KYNU: variants seen among roughly 807,000 people sequenced by gnomAD.
KYNU encodes kynureninase, also known as L-kynurenine hydrolase.
KYNU carries 54 observed loss-of-function variants against 59.2 expected under a neutral mutation model. The observed-to-expected ratio is 0.91, with a 90% CI of 0.73 to 1.14. The LOEUF is 1.14. Among genes scored for constraint, KYNU ranks in the 50% most tolerant of loss-of-function variants. The pLI, the probability that KYNU is intolerant of heterozygous loss-of-function variation, is 0.00. For missense variants in KYNU, 567 were observed against 554.4 expected, an observed-to-expected ratio of 1.02 and a Z score of -0.23; for synonymous variants, 177 against 192.0, an observed-to-expected ratio of 0.92 and a Z score of 0.65.
At chr2:142,920,756 T>G (rs56753607) in intron 3 of KYNU, among the ~76,000 whole-genome samples, 1,547 of 152,298 alleles carry the variant, frequency 0.01, 22 homozygotes, top group African/African-American at 0.036. Context: ...ATCTATTCCA[T>G]CCTCGCTTTG....
intron 8 of KYNU, among the ~76,000 whole-genome samples, chr2:142,974,750 A>G (rs1573859806): frequency 6.6e-6 from 1 of 152,204 alleles, no homozygotes; most frequent in African/African-American, 2.4e-5. Flanking sequence ...AAGAAGGCCT[A>G]TACAAATTGT....
chr2:142,998,106 T>C (rs1304180483), intron 10 of KYNU, among the ~76,000 whole-genome samples: 10 of 152,228 alleles, frequency 6.6e-5, no homozygotes, highest in Admixed American at 6.5e-4. Context: ...AACACGTTAC[T>C]TCTCTCAAAT....
At chr2:142,994,597 A>G (rs904542789) in intron 10 of KYNU, among the ~76,000 whole-genome samples, 5 of 152,008 alleles carry the variant, frequency 3.3e-5, no homozygotes, top group Admixed American at 3.3e-4. Flanking sequence ...ATGTGGCACT[A>G]TGTTTTTTAA....
Position 142,985,888 on chromosome 2 carries a change from T to C in KYNU, c.829-60T>C, listed in dbSNP as rs1685182697. On this transcript the variant is annotated intron_variant, in intron 9 of 13. Coordinates refer to ENST00000264170, the MANE Select transcript of KYNU (RefSeq NM_003937.3). ...CAATTAAAAAATTCAAATGACTACA[T>C]TGTTTAGTTTTGTCATATATTTAAG... 7 of 1,108,496 alleles carry C rather than the reference T, an allele frequency of 6.3e-6. No homozygotes were observed. The South Asian group carries it at 7.8e-5, about 12-fold the overall frequency. The allele number at this position is 1,108,496 out of a possible 1,614,324, so 68.7% of individuals were successfully genotyped here.
intron 3 of KYNU, among the ~76,000 whole-genome samples, chr2:142,926,956 C>T (rs557913806): frequency 6.6e-6 from 1 of 152,294 alleles, no homozygotes; most frequent in South Asian, 2.1e-4. Flanking sequence ...CATCTTAATC[C>T]TCTGTTTTAA....
Position 143,041,440 on chromosome 2 carries a change from G to T in KYNU, c.1273-607G>T, listed in dbSNP as rs1443009876. Among the ~76,000 whole-genome samples, 3 of 152,028 alleles carry T rather than the reference G, an allele frequency of 2.0e-5. No individual in the cohort carries two copies. In the East Asian group the frequency reaches 5.8e-4, roughly 29 times the overall value. On this transcript the variant is annotated intron_variant, in intron 13 of 13. Transcript: ENST00000264170. ...TGGCTTGAAATTTTCATCCGTATTT[G>T]GGGTATAAAATAAATTACCTCCAAG...
intron 1 of KYNU, 31 bp downstream of exon 1, chr2:142,877,767 A>C (rs978981745): frequency 2.6e-5 from 4 of 151,900 alleles, no homozygotes; most frequent in African/African-American, 7.3e-5. Flanking sequence ...AAAACTCTCT[A>C]CCCTAATGTT....
At chr2:142,952,550 T>A (rs1684027182) in intron 4 of KYNU, among the ~76,000 whole-genome samples, 1 of 152,048 alleles carries the variant, frequency 6.6e-6, no homozygotes, top group African/African-American at 2.4e-5. Flanking sequence ...ACTCTTCCTG[T>A]CTCAGCCTCC....
intron 4 of KYNU, among the ~76,000 whole-genome samples, chr2:142,944,570 C>T (rs1251280798): frequency 6.6e-6 from 1 of 151,882 alleles, no homozygotes; most frequent in Non-Finnish European, 1.5e-5. Context: ...AAAATTTTGC[C>T]CCAACATAAC....
rs114063106 is a variant in KYNU, at chr2:142,929,712, G to T, written c.373+1971G>T. ...TCATAGGATTATAGATGGAGTCAAA[G>T]ATTTTCTGATTGGCAATTTATTGAA... On this transcript the variant is annotated intron_variant, in intron 4 of 13. Coordinates refer to ENST00000264170, the MANE Select transcript of KYNU (RefSeq NM_003937.3). Among the ~76,000 whole-genome samples the T allele has an allele frequency of 9.5e-3, 1,445 of 152,294 alleles. 30 individuals carry two copies. The highest frequency in any genetic ancestry group is 0.033 in the African/African-American group (1,374 of 41,556).
rs185595626 is a variant in KYNU at position 142,975,701 on chromosome 2, T to A, written c.730-9383T>A. Among the ~76,000 whole-genome samples the A allele has an allele frequency of 4.5e-3, 678 of 152,186 alleles. 9 individuals are homozygous for A. The highest frequency in any genetic ancestry group is 3.4e-3 in the Middle Eastern group (1 of 294). On this transcript the variant is annotated intron_variant, in intron 8 of 13. Coordinates refer to ENST00000264170, the MANE Select transcript of KYNU (RefSeq NM_003937.3). ...AATCCTCTGAAGGGGTCCAGGGAGC[T>A]CTCCCATCTCCCTAATTCTGTGTTA...
At chr2:143,016,983 T>C (rs752221852) in intron 10 of KYNU, among the ~76,000 whole-genome samples, 1 of 152,190 alleles carries the variant, frequency 6.6e-6, no homozygotes, top group Non-Finnish European at 1.5e-5. Flanking sequence ...TTCCTACTTA[T>C]CAGTGAGAAC....
chr2:143,012,449 C>T (rs576688204), intron 10 of KYNU, among the ~76,000 whole-genome samples: 24 of 148,556 alleles, frequency 1.6e-4, no homozygotes, highest in Admixed American at 5.4e-4. Flanking sequence ...TGCCACTGCA[C>T]TCCAGCCTGG....
intron 2 of KYNU, among the ~76,000 whole-genome samples, chr2:142,902,376 C>T (rs984669376): frequency 6.6e-6 from 1 of 152,024 alleles, no homozygotes; most frequent in African/African-American, 2.4e-5. Context: ...TTTTTTAGGG[C>T]CTGGAAAGCT....
chr2:142,913,154 G>A (rs1041195181), intron 2 of KYNU, among the ~76,000 whole-genome samples: 9 of 152,054 alleles, frequency 5.9e-5, no homozygotes, highest in African/African-American at 2.2e-4. Context: ...ACAGCTTTTG[G>A]TTTCATTGAT....
Position 143,047,411 on chromosome 2 carries a change from A to G in KYNU, c.*5239A>G, listed in dbSNP as rs1687182988. The G allele has an allele frequency of 6.6e-6, 1 of 152,142 alleles. No individual in the cohort carries two copies. The highest frequency in any genetic ancestry group is 2.4e-5 in the African/African-American group (1 of 41,426). The allele number at this position is 152,142 out of a possible 1,614,324, so 9.4% of individuals were successfully genotyped here. Reference sequence around the variant, plus strand: ...TTTTATAAAATTTAACATTTAACTGATAATTGATACTGTATATACATGAAT... The same window carrying G: ...TTTTATAAAATTTAACATTTAACTGGTAATTGATACTGTATATACATGAAT... On this transcript the variant is annotated 3_prime_UTR_variant, in exon 14 of 14. Transcript: ENST00000264170.
At chr2:142,938,777 G>C (rs1453658028) in intron 4 of KYNU, among the ~76,000 whole-genome samples, 3 of 151,942 alleles carry the variant, frequency 2.0e-5, no homozygotes, top group Admixed American at 1.3e-4. Context: ...AAAGAAATCT[G>C]TTTTTAGTTT....
At chr2:142,967,835 ATCTC>A (rs1310542110) in intron 8 of KYNU, among the ~76,000 whole-genome samples, 1 of 152,188 alleles carries the variant, frequency 6.6e-6, no homozygotes, top group African/African-American at 2.4e-5. Context: ...TCTCTGTAAT[ATCTC>A]TATTACAGTA....
chr2:142,983,620 GAAACTT>G (rs1685109889), intron 8 of KYNU, among the ~76,000 whole-genome samples: 1 of 152,038 alleles, frequency 6.6e-6, no homozygotes, highest in Non-Finnish European at 1.5e-5. Context: ...CAGCAGTTCA[GAAACTT>G]TTTAGAAAAG....
Sources: allele counts gnomAD v4.1 joint callset (sites outside exome capture counted in the v4.1 genomes callset), GRCh38; gene constraint gnomAD v4.1.1; transcripts MANE v1.5; gene names NCBI Gene and HGNC (gene_info 2026-07-23, HGNC 2026-07-21).